NPSR1: variants seen among roughly 807,000 people sequenced by gnomAD.
NPSR1 encodes neuropeptide S receptor.
Under a neutral mutation model 46.9 loss-of-function variants are expected in NPSR1, and 48 were observed. The ratio of observed to expected loss-of-function variants is 1.02; its 90% CI spans 0.81 to 1.30. The LOEUF (loss-of-function observed/expected upper bound fraction) is 1.30, where lower values mean the gene tolerates loss of function less well. Ranked by LOEUF, NPSR1 falls within the 50% of genes most tolerant of loss-of-function variation. The pLI, the probability that NPSR1 is intolerant of heterozygous loss-of-function variation, is 0.00. For missense variants in NPSR1, 450 were observed against 449.5 expected, an observed-to-expected ratio of 1.00 and a Z score of -0.01; for synonymous variants, 176 against 168.1, an observed-to-expected ratio of 1.05 and a Z score of -0.36.
In NPSR1 at chr7:34,779,114, G is replaced by A. The variant is rs569609322; in HGVS notation, c.384+549G>A. Among the ~76,000 whole-genome samples the A allele has an allele frequency of 2.0e-5, 3 of 151,962 alleles. No individual in the cohort carries two copies. In the South Asian group the frequency reaches 6.2e-4, roughly 32 times the overall value. On this transcript the variant is annotated intron_variant, in intron 3 of 8. Coordinates refer to ENST00000360581, the MANE Select transcript of NPSR1 (RefSeq NM_207172.2). ...TTAGTTTTTCTAAGATCTATTTTTAGATTAAAGATATTGATGCTTCAAATG... is the reference window on the plus strand; with the variant it reads ...TTAGTTTTTCTAAGATCTATTTTTAAATTAAAGATATTGATGCTTCAAATG...
chr7:34,662,213 G>A (rs936503671), intron 1 of NPSR1, among the ~76,000 whole-genome samples: 4 of 152,052 alleles, frequency 2.6e-5, no homozygotes, highest in Admixed American at 6.5e-5. Context: ...CGCCTCCTTC[G>A]GTGGATAGTT....
chr7:34,781,200 G>C (rs1316749802), intron 3 of NPSR1, among the ~76,000 whole-genome samples: 1 of 152,122 alleles, frequency 6.6e-6, no homozygotes, highest in Admixed American at 6.5e-5. Context: ...TCAAAATCAT[G>C]CTCCAACATT....
At chr7:34,678,485 C>A (rs1281156458) in intron 1 of NPSR1, among the ~76,000 whole-genome samples, 1 of 152,060 alleles carries the variant, frequency 6.6e-6, no homozygotes, top group Non-Finnish European at 1.5e-5. Flanking sequence ...CTTGGAAAAT[C>A]TCTTACTTGT....
At chr7:34,727,018 G>T (rs1784189091) in intron 2 of NPSR1, among the ~76,000 whole-genome samples, 1 of 152,120 alleles carries the variant, frequency 6.6e-6, no homozygotes, top group Admixed American at 6.6e-5. Flanking sequence ...TGGACTTTGG[G>T]TGATGATGAT....
At chr7:34,855,135 C>A (rs1028937299) in intron 8 of NPSR1, among the ~76,000 whole-genome samples, 60 of 151,648 alleles carry the variant, frequency 4.0e-4, no homozygotes, top group African/African-American at 1.4e-3. Flanking sequence ...ACAAATAAAA[C>A]AATACTTAAA....
At chr7:34,780,931 G>A (rs1379478459) in intron 3 of NPSR1, among the ~76,000 whole-genome samples, 1 of 152,134 alleles carries the variant, frequency 6.6e-6, no homozygotes, top group Non-Finnish European at 1.5e-5. Context: ...TTATGACAAA[G>A]GTATTGGATA....
intron 2 of NPSR1, among the ~76,000 whole-genome samples, chr7:34,746,680 AG>A (rs1785220209): frequency 6.6e-6 from 1 of 152,192 alleles, no homozygotes; most frequent in African/African-American, 2.4e-5. Flanking sequence ...GCCACAATGC[AG>A]GTTAATTAGG....
At chr7:34,784,924 C>T (rs1447187046) in intron 3 of NPSR1, among the ~76,000 whole-genome samples, 3 of 152,102 alleles carry the variant, frequency 2.0e-5, no homozygotes, top group African/African-American at 7.2e-5. Flanking sequence ...CACTTTTACA[C>T]TGTTGGCAGA....
At chr7:34,805,566 G>C (rs1788658371) in intron 3 of NPSR1, among the ~76,000 whole-genome samples, 1 of 148,992 alleles carries the variant, frequency 6.7e-6, no homozygotes, top group South Asian at 2.1e-4. Flanking sequence ...ATAACATAAT[G>C]CTCAATACTA....
At chr7:34,742,208 T>G (rs1171341173) in intron 2 of NPSR1, among the ~76,000 whole-genome samples, 1 of 152,104 alleles carries the variant, frequency 6.6e-6, no homozygotes, top group Middle Eastern at 3.2e-3. Flanking sequence ...ATGTGAATGT[T>G]TGTTACATAG....
chr7:34,733,102 G>T (rs893888698), intron 2 of NPSR1, among the ~76,000 whole-genome samples: 7 of 152,148 alleles, frequency 4.6e-5, no homozygotes, highest in African/African-American at 1.7e-4. Context: ...GGTTAACAGA[G>T]TGTTAACAGG....
chr7:34,750,488 C>G (rs1785463512), intron 2 of NPSR1: 1 of 720,768 alleles, frequency 1.4e-6, no homozygotes, highest in East Asian at 2.6e-5. Context: ...CTGGTGCCTA[C>G]AAACAGTGGA....
At chr7:34,711,089 C>T (rs1562669278) in intron 2 of NPSR1, 1 of 311,772 alleles carries the variant, frequency 3.2e-6, no homozygotes, top group Non-Finnish European at 6.4e-6. Flanking sequence ...GTTGTAGCTT[C>T]TTCGCCTTTG....
rs943804877 is a variant in NPSR1 at position 34,757,013 on chromosome 7, T to C, written c.281-21449T>C. Among the ~76,000 whole-genome samples the C allele has an allele frequency of 2.6e-5, 4 of 152,196 alleles. No homozygotes were observed. The South Asian group carries it at 6.2e-4, about 24-fold the overall frequency. On this transcript the variant is annotated intron_variant, in intron 2 of 8. Transcript: ENST00000360581. Reference sequence around the variant, plus strand: ...AAGAAATTATGTCTATAATTGTGCCTGAGCTGGCCTCCATAGTTCATTGAG... The same window carrying C: ...AAGAAATTATGTCTATAATTGTGCCCGAGCTGGCCTCCATAGTTCATTGAG...
chr7:34,794,685 T>G (rs760977073), intron 3 of NPSR1, among the ~76,000 whole-genome samples: 18 of 152,122 alleles, frequency 1.2e-4, no homozygotes, highest in Admixed American at 3.3e-4. Flanking sequence ...TCTAACTCAT[T>G]GTATAAGGTC....
chr7:34,807,254 GT>G (rs1052581461), intron 3 of NPSR1, among the ~76,000 whole-genome samples: 5 of 151,548 alleles, frequency 3.3e-5, no homozygotes, highest in Admixed American at 2.0e-4. Context: ...TATTGAGAGG[GT>G]TTTTTTTCTT....
chr7:34,690,349 G>A (rs1377075561), intron 2 of NPSR1, among the ~76,000 whole-genome samples: 2 of 152,116 alleles, frequency 1.3e-5, no homozygotes, highest in Admixed American at 1.3e-4. Context: ...ATAAAATAGA[G>A]TGCTACAACA....
At chr7:34,729,985 G>A (rs1186927949) in intron 2 of NPSR1, among the ~76,000 whole-genome samples, 1 of 152,180 alleles carries the variant, frequency 6.6e-6, no homozygotes, top group African/African-American at 2.4e-5. Context: ...TGTTGGCCAG[G>A]CTAGTCTGGA....
chr7:34,864,592 T>C (rs1437447319), intron 8 of NPSR1, among the ~76,000 whole-genome samples: 1 of 151,844 alleles, frequency 6.6e-6, no homozygotes, highest in African/African-American at 2.4e-5. Flanking sequence ...AGAAAATTAA[T>C]GTCCAAAATA....
Sources: allele counts gnomAD v4.1 joint callset (sites outside exome capture counted in the v4.1 genomes callset), GRCh38; gene constraint gnomAD v4.1.1; transcripts MANE v1.5; gene names NCBI Gene and HGNC (gene_info 2026-07-23, HGNC 2026-07-21).